Variants in AAK1 observed in about 807,000 individuals in gnomAD.
AAK1 encodes the protein AP2 associated kinase 1.
Under a neutral mutation model 116.0 loss-of-function variants are expected in AAK1, and 37 were observed. The ratio of observed to expected loss-of-function variants is 0.32; its 90% confidence interval spans 0.25 to 0.42. The LOEUF is 0.42. Ranked by LOEUF, AAK1 falls within the 10% of genes least tolerant of loss-of-function variation. The pLI, the probability that AAK1 is intolerant of heterozygous loss-of-function variation, is 1.00. For missense variants in AAK1, 919 were observed against 1,170.6 expected, an observed-to-expected ratio of 0.79 and a Z score of 3.14; for synonymous variants, 458 against 439.9, an observed-to-expected ratio of 1.04 and a Z score of -0.51.
At position 69,466,780 on chromosome 2, in the gene AAK1, G is replaced by A; in HGVS notation, c.*9089C>T. On this transcript the variant is annotated 3_prime_UTR_variant, in exon 22 of 22. Transcript: ENST00000409085. ...ATGATAGGCACGACGTACAGGAAAG[G>A]AGATGAAGATGTTAGGCACACAGAC... 2 of 985,392 alleles carry A rather than the reference G, an allele frequency of 2.0e-6. No individual in the cohort carries two copies. The highest frequency in any genetic ancestry group is 2.4e-6 in the Non-Finnish European group (2 of 829,930). 61.0% of individuals were successfully genotyped at this position (985,392 alleles called of 1,614,324 possible).
intron 17 of AAK1, among the ~76,000 whole-genome samples, chr2:69,493,559 CATTT>C (rs1399682939): frequency 1.1e-4 from 16 of 152,094 alleles, no homozygotes; most frequent in African/African-American, 3.1e-4. Flanking sequence ...TTATTTCATT[CATTT>C]GTCGGATCTG....
chr2:69,479,848 T>G (rs571198446), intron 19 of AAK1, among the ~76,000 whole-genome samples: 1 of 152,270 alleles, frequency 6.6e-6, no homozygotes, highest in South Asian at 2.1e-4. Flanking sequence ...CTCTGCCTTC[T>G]GGGTTCAAGC....
intron 12 of AAK1, among the ~76,000 whole-genome samples, chr2:69,518,569 C>A (rs1676686282): frequency 6.6e-6 from 1 of 151,954 alleles, no homozygotes; most frequent in African/African-American, 2.4e-5. Context: ...CAGGCTTGCG[C>A]CACCATGCCC....
At chr2:69,573,181 C>T (rs1402471925) in intron 2 of AAK1, among the ~76,000 whole-genome samples, 2 of 152,090 alleles carry the variant, frequency 1.3e-5, no homozygotes, top group Non-Finnish European at 2.9e-5. Flanking sequence ...CTTCCATAAC[C>T]AGAGTCTTGG....
intron 2 of AAK1, among the ~76,000 whole-genome samples, chr2:69,595,416 T>A (rs1465996163): frequency 6.6e-6 from 1 of 152,152 alleles, no homozygotes; most frequent in Non-Finnish European, 1.5e-5. Flanking sequence ...GCACCCAACC[T>A]CTTGAAGGAA....
intron 2 of AAK1, among the ~76,000 whole-genome samples, chr2:69,590,518 A>C (rs900735477): frequency 7.9e-5 from 12 of 152,226 alleles, no homozygotes; most frequent in African/African-American, 2.7e-4. Flanking sequence ...GTGATTCAGC[A>C]TAAGCCATCC....
chr2:69,499,212 C>T (rs1357489308), intron 16 of AAK1, among the ~76,000 whole-genome samples: 1 of 152,140 alleles, frequency 6.6e-6, no homozygotes. Flanking sequence ...CACTACTAAC[C>T]CCACTGTTCT....
At chr2:69,551,394 A>C (rs911468536) in intron 3 of AAK1, among the ~76,000 whole-genome samples, 1 of 152,240 alleles carries the variant, frequency 6.6e-6, no homozygotes, top group Non-Finnish European at 1.5e-5. Flanking sequence ...CCTGGAACTT[A>C]AAAGTTGAAG....
At chr2:69,637,384 T>G (rs868822896) in intron 2 of AAK1, among the ~76,000 whole-genome samples, 1 of 152,184 alleles carries the variant, frequency 6.6e-6, no homozygotes, top group Admixed American at 6.5e-5. Context: ...GGCACAGCCA[T>G]GTCTCATTTA....
chr2:69,496,177 G>C, intron 16 of AAK1, 97 bp from the exon 17 acceptor site: 2 of 806,838 alleles, frequency 2.5e-6, no homozygotes, highest in South Asian at 3.3e-5. Flanking sequence ...CTCTATTAAT[G>C]CAACAGTTCA....
rs764594259 is a variant in AAK1 at position 69,600,470 on chromosome 2, TAAC to T, written c.163+42405_163+42407del. 3.0e-4 allele frequency among the ~76,000 whole-genome samples: 45 copies of T among 152,138 alleles called. 1 individual carries two copies. The highest frequency in any genetic ancestry group is 2.0e-3 in the Admixed American group (31 of 15,288). On this transcript the variant is annotated intron_variant, in intron 2 of 21. Coordinates refer to ENST00000409085, the MANE Select transcript of AAK1 (RefSeq NM_014911.5). ...GGATTCAAGCCTTCAGCAGAGAAAGTAACAACAACTACAGATGTGGTGAAAATA... is the reference window on the plus strand; with the variant it reads ...GGATTCAAGCCTTCAGCAGAGAAAGTAACAACTACAGATGTGGTGAAAATA...
At chr2:69,551,463 T>C (rs969773488) in intron 3 of AAK1, among the ~76,000 whole-genome samples, 18 of 152,246 alleles carry the variant, frequency 1.2e-4, no homozygotes, top group African/African-American at 4.3e-4. Context: ...AGCTTCCTAC[T>C]GTACAGGATC....
At chr2:69,551,044 C>T (rs1671161158) in intron 3 of AAK1, among the ~76,000 whole-genome samples, 1 of 151,550 alleles carries the variant, frequency 6.6e-6, no homozygotes. Context: ...TTCATGCTTC[C>T]TGTGTTTTTT....
intron 2 of AAK1, among the ~76,000 whole-genome samples, chr2:69,603,160 A>C (rs539530214): frequency 6.6e-6 from 1 of 152,356 alleles, no homozygotes; most frequent in South Asian, 2.1e-4. Context: ...ACATTTGAAC[A>C]TCTTTTCCTG....
Position 69,527,271 on chromosome 2 carries a change from A to C in AAK1, c.920T>G (p.Val307Gly). The change falls in exon 9 of 22, where the codon GTG becomes GGG. Residue 307 changes from valine (V) to glycine (G), a missense_variant. Physicochemically the swap from Val to Gly is moderately radical, Grantham distance 109. This residue lies in a region of AAK1 where 317 missense variants were observed against 490.4 expected (regional missense o/e 0.65). Transcript: ENST00000409085. The part of the protein sequence containing the change: ...DPDKRPDIYQ[V>G]SYFSFKLLKK... Reference sequence around the variant, plus strand: ...GAGTAGCTTAAATGAGAAGTAGGACACCTGGTAAATATCCGGCCTTTTGTC... The same window carrying C: ...GAGTAGCTTAAATGAGAAGTAGGACCCCTGGTAAATATCCGGCCTTTTGTC... 6.2e-7 allele frequency: 1 copy of C among 1,610,300 alleles called. No homozygotes were observed. Among genetic ancestry groups the C allele is most frequent in the Non-Finnish European group, 8.5e-7 (1 of 1,178,096 alleles).
chr2:69,490,305 G>A (rs1675471512), intron 17 of AAK1, among the ~76,000 whole-genome samples: 1 of 152,096 alleles, frequency 6.6e-6, no homozygotes, highest in African/African-American at 2.4e-5. Flanking sequence ...TTCCATTTCT[G>A]GGTATATACC....
chr2:69,551,333 C>A (rs893093434), intron 3 of AAK1, among the ~76,000 whole-genome samples: 1 of 152,094 alleles, frequency 6.6e-6, no homozygotes, highest in African/African-American at 2.4e-5. Context: ...CAGCAAACCA[C>A]CATGGCACAC....
intron 20 of AAK1, among the ~76,000 whole-genome samples, chr2:69,477,653 T>C (rs1474103260): frequency 1.3e-5 from 2 of 152,236 alleles, no homozygotes; most frequent in Non-Finnish European, 2.9e-5. Context: ...TTGCAAATGA[T>C]GCTTCTCTGT....
At chr2:69,501,782 C>T (rs1023035871) in intron 16 of AAK1, among the ~76,000 whole-genome samples, 2 of 152,062 alleles carry the variant, frequency 1.3e-5, no homozygotes, top group African/African-American at 4.8e-5. Flanking sequence ...CCAGCCTGGC[C>T]AATATGGTGA....
Sources: gnomAD v4.1 joint callset for allele counts (sites outside exome capture counted in the v4.1 genomes callset) on GRCh38, gnomAD v4.1.1 for gene constraint, gnomAD v4.1.1 regional missense constraint, MANE v1.5 for transcripts, NCBI Gene and HGNC (gene_info 2026-07-23, HGNC 2026-07-21) for gene names.